CYP2C19: variants seen among roughly 807,000 people sequenced by gnomAD.
CYP2C19 encodes the protein cytochrome P450 2C19.
Under a neutral mutation model 40.9 loss-of-function variants are expected in CYP2C19, and 59 were observed. The ratio of observed to expected loss-of-function variants is 1.44; its 90% CI spans 1.17 to 1.79. The LOEUF (loss-of-function observed/expected upper bound fraction) is 1.79, where lower values mean the gene tolerates loss of function less well. Among genes scored for constraint, CYP2C19 ranks in the 40% most tolerant of loss-of-function variants. CYP2C19 has a pLI of 0.00. For missense variants in CYP2C19, 754 were observed against 596.9 expected (o/e 1.26, Z -2.74); for synonymous variants, 253 against 208.7 (o/e 1.21, Z -1.83).
At position 94,853,569 on chromosome 10, in the gene CYP2C19, A is replaced by C. The variant is rs1210943679; in HGVS notation, c.*655A>C. ...TTCCTTTTTTTTTTTTTTTTGAGAC[A>C]ATGTCTCACTCTGTCTCCCAGGCTG... is the stretch of plus-strand genomic sequence containing the variant. On this transcript the variant is annotated 3_prime_UTR_variant, in exon 9 of 9. Transcript: ENST00000371321. Among the ~76,000 whole-genome samples, 2 of 143,514 alleles carry C rather than the reference A, an allele frequency of 1.4e-5. No homozygotes were observed. The highest frequency in any genetic ancestry group is 5.2e-5 in the African/African-American group (2 of 38,762). The allele number at this position is 143,514 out of a possible 152,430, so 94.2% of individuals were successfully genotyped here. A position where few individuals can be genotyped will look rare whatever the true frequency, so the allele number is the denominator to read the frequency against.
chr10:94,826,173 A>T (rs1345622780), intron 6 of CYP2C19, among the ~76,000 whole-genome samples: 2 of 151,960 alleles, frequency 1.3e-5, no homozygotes, highest in Non-Finnish European at 2.9e-5. Context: ...ACTTTAAAGT[A>T]GTTTTTTCCA....
intron 6 of CYP2C19, among the ~76,000 whole-genome samples, chr10:94,834,081 G>C (rs1178035809): frequency 6.6e-6 from 1 of 152,098 alleles, no homozygotes. Flanking sequence ...GTTGGTATTA[G>C]TTCTTTGTTA....
intron 6 of CYP2C19, among the ~76,000 whole-genome samples, chr10:94,834,840 G>A (rs920190725): frequency 6.6e-6 from 1 of 152,166 alleles, no homozygotes; most frequent in Non-Finnish European, 1.5e-5. Flanking sequence ...ACCTTCCCAG[G>A]TAGGCTTAGG....
At chr10:94,775,021 T>A in intron 1 of CYP2C19, 37 bp from the exon 2 acceptor site, 2 of 1,606,112 alleles carry the variant, frequency 1.2e-6, no homozygotes, top group Admixed American at 1.7e-5. Flanking sequence ...GACAAAACAG[T>A]GACTTCATTT....
At chr10:94,802,507 A>G (rs1229646754) in intron 5 of CYP2C19, among the ~76,000 whole-genome samples, 1 of 152,128 alleles carries the variant, frequency 6.6e-6, no homozygotes, top group Non-Finnish European at 1.5e-5. Flanking sequence ...TCCTGAATAC[A>G]GCACACCAAT....
rs548833763 is a variant in CYP2C19 at position 94,845,591 on chromosome 10, T to G, written c.1149+2567T>G. ...CTGAGTTTTAACTTTCCCATAATTT[T>G]TTTGTTTTAGCTCTTATATTTACAT... On this transcript the variant is annotated intron_variant, in intron 7 of 8. Coordinates refer to ENST00000371321, the MANE Select transcript of CYP2C19 (RefSeq NM_000769.4). 5.3e-4 allele frequency among the ~76,000 whole-genome samples: 80 copies of G among 152,324 alleles called. No individual in the cohort carries two copies. In the South Asian group the frequency reaches 0.012, roughly 22 times the overall value.
chr10:94,852,430 A>C (rs1849666901), intron 8 of CYP2C19, among the ~76,000 whole-genome samples: 1 of 152,236 alleles, frequency 6.6e-6, no homozygotes, highest in East Asian at 1.9e-4. Flanking sequence ...ATTGCTTGGC[A>C]TGTAGCTGAC....
intron 6 of CYP2C19, among the ~76,000 whole-genome samples, chr10:94,833,799 C>T (rs1849363719): frequency 6.6e-6 from 1 of 152,242 alleles, no homozygotes. Flanking sequence ...TGATGTATCA[C>T]ACTGCTTGAT....
intron 7 of CYP2C19, among the ~76,000 whole-genome samples, chr10:94,849,533 A>G (rs1186358908): frequency 6.6e-6 from 1 of 151,814 alleles, no homozygotes; most frequent in Non-Finnish European, 1.5e-5. Flanking sequence ...CACAATGTGC[A>G]GGTTTGTTAC....
chr10:94,781,958 T>C lies in CYP2C19; in HGVS notation c.780T>C (p.Pro260=), dbSNP rs1465177464. The change falls in exon 5 of 9, where the codon CCT becomes CCC. Residue 260 remains proline (P), a synonymous_variant. Transcript: ENST00000371321. Reference sequence around the variant, plus strand: ...AAGAATCGATGGACATCAACAACCCTCGGGACTTTATTGATTGCTTCCTGA... The same window carrying C: ...AAGAATCGATGGACATCAACAACCCCCGGGACTTTATTGATTGCTTCCTGA... ...EHQESMDINN[P]RDFIDCFLIK... is the part of the protein sequence containing the mutation. 1 of 1,532,100 alleles carries C rather than the reference T, an allele frequency of 6.5e-7. No homozygotes were observed. The highest frequency in any genetic ancestry group is 8.7e-7 in the Non-Finnish European group (1 of 1,149,020). The allele number at this position is 1,532,100 out of a possible 1,614,324, so 94.9% of individuals were successfully genotyped here.
chr10:94,818,938 T>A (rs1162408569), intron 5 of CYP2C19, among the ~76,000 whole-genome samples: 2 of 151,964 alleles, frequency 1.3e-5, no homozygotes, highest in Non-Finnish European at 2.9e-5. Flanking sequence ...GAATATACAT[T>A]TTTTTCAGCA....
chr10:94,813,639 C>G (rs113153908), intron 5 of CYP2C19, among the ~76,000 whole-genome samples: 7,238 of 151,936 alleles, frequency 0.048, 235 homozygotes, highest in South Asian at 0.11. Context: ...AACACCCCCC[C>G]CAAGCTCGAA....
chr10:94,810,382 G>A (rs143814980), intron 5 of CYP2C19, among the ~76,000 whole-genome samples: 25,290 of 152,062 alleles, frequency 0.17, 2,300 homozygotes, highest in South Asian at 0.33. Context: ...TTTGGTATCA[G>A]GATGATTCTT....
chr10:94,815,531 A>T (rs1192950899), intron 5 of CYP2C19, among the ~76,000 whole-genome samples: 1 of 152,230 alleles, frequency 6.6e-6, no homozygotes, highest in African/African-American at 2.4e-5. Flanking sequence ...CCACTCTCTG[A>T]ACTTCCAAAT....
At chr10:94,836,126 A>C (rs1849399907) in intron 6 of CYP2C19, among the ~76,000 whole-genome samples, 1 of 152,222 alleles carries the variant, frequency 6.6e-6, no homozygotes, top group Non-Finnish European at 1.5e-5. Flanking sequence ...TCTTCAAGTA[A>C]TAGAGCCTGA....
intron 6 of CYP2C19, among the ~76,000 whole-genome samples, chr10:94,824,249 T>A (rs528690375): frequency 6.6e-6 from 1 of 152,130 alleles, no homozygotes; most frequent in African/African-American, 2.4e-5. Context: ...AAAAGCAGTG[T>A]GGAAAAATTA....
At chr10:94,818,432 C>T (rs1488638935) in intron 5 of CYP2C19, among the ~76,000 whole-genome samples, 1 of 151,950 alleles carries the variant, frequency 6.6e-6, no homozygotes, top group African/African-American at 2.4e-5. Flanking sequence ...TGAAGAAAGT[C>T]ATTGGTAGCT....
chr10:94,836,199 A>G (rs1849400889), intron 6 of CYP2C19, among the ~76,000 whole-genome samples: 1 of 152,206 alleles, frequency 6.6e-6, no homozygotes, highest in African/African-American at 2.4e-5. Flanking sequence ...TGCCATTCAC[A>G]TCATGGATGC....
At position 94,799,916 on chromosome 10, in the gene CYP2C19, AG is replaced by A. The variant is rs1169545611; in HGVS notation, c.819+17921del. 2.0e-5 allele frequency among the ~76,000 whole-genome samples: 3 copies of A among 151,758 alleles called. No individual in the cohort carries two copies. In the East Asian group the frequency reaches 5.8e-4, roughly 29 times the overall value. ...AGCCATTCATCTAACCTTTTTTTCAAGGTTTTTAGCTTTCTTATGATGCGTT... is the reference window on the plus strand; with the variant it reads ...AGCCATTCATCTAACCTTTTTTTCAAGTTTTTAGCTTTCTTATGATGCGTT... On this transcript the variant is annotated intron_variant, in intron 5 of 8. Transcript: ENST00000371321.
Sources: gnomAD v4.1 joint callset for allele counts (sites outside exome capture counted in the v4.1 genomes callset) on GRCh38, gnomAD v4.1.1 for gene constraint, MANE v1.5 for transcripts, NCBI Gene and HGNC (gene_info 2026-07-23, HGNC 2026-07-21) for gene names.